TVP23A: variants seen among roughly 807,000 people sequenced by gnomAD.
TVP23A encodes Golgi apparatus membrane protein TVP23 homolog A.
Under a neutral mutation model 31.7 loss-of-function variants are expected in TVP23A, and 21 were observed. That is an observed-to-expected ratio of 0.66 (90% CI 0.47 to 0.95). The LOEUF is 0.95. Ranked by LOEUF, TVP23A falls within the 40% of genes least tolerant of loss-of-function variation. The pLI is 0.00. For synonymous variants in TVP23A, 104 were observed against 96.0 expected (o/e 1.08, Z -0.49); for missense variants, 279 against 255.6 (o/e 1.09, Z -0.62).
chr16:10,780,664 A>C (rs775367697), intron 2 of TVP23A, among the ~76,000 whole-genome samples: 1 of 152,010 alleles, frequency 6.6e-6, no homozygotes, highest in Non-Finnish European at 1.5e-5. Flanking sequence ...TGATCCCTCC[A>C]TCTCCTCTTC....
intron 2 of TVP23A, among the ~76,000 whole-genome samples, chr16:10,794,488 T>G (rs1228068917): frequency 6.6e-6 from 1 of 152,184 alleles, no homozygotes; most frequent in East Asian, 1.9e-4. Flanking sequence ...CATATCCTTT[T>G]GGGAAAACCC....
rs1366166794 is a variant in TVP23A at position 10,774,980 on chromosome 16, A to G, written c.206T>C (p.Leu69Pro). ...CACAGACCAGAAGTCCAGGGACAGG[A>G]GGAGCAGCACCATGACAAAACAGCC... ...FVGCFVMVLL[L>P]LSLDFWSVKN... Residue 69 changes from leucine (L) to proline (P), a missense_variant, in exon 3 of 8, where the codon CTC becomes CCC. By Grantham distance (98) the Leu-to-Pro change is moderately conservative. Coordinates refer to ENST00000299866, the MANE Select transcript of TVP23A (RefSeq NM_001079512.4). The G allele has an allele frequency of 5.6e-6, 9 of 1,613,108 alleles. No individual in the cohort carries two copies. The East Asian group carries it at 2.0e-4, about 36-fold the overall frequency.
At chr16:10,815,458 G>A (rs1258544690) in intron 2 of TVP23A, among the ~76,000 whole-genome samples, 1 of 152,124 alleles carries the variant, frequency 6.6e-6, no homozygotes, top group African/African-American at 2.4e-5. Flanking sequence ...AGTTGTAATA[G>A]CCACTGGTAT....
At chr16:10,810,964 T>C (rs942763913) in intron 2 of TVP23A, among the ~76,000 whole-genome samples, 4 of 152,216 alleles carry the variant, frequency 2.6e-5, no homozygotes, top group African/African-American at 9.6e-5. Context: ...TTCTCCATAC[T>C]TACAGATATC....
chr16:10,794,949 G>A (rs1382691825), intron 2 of TVP23A, among the ~76,000 whole-genome samples: 10 of 152,082 alleles, frequency 6.6e-5, no homozygotes, highest in African/African-American at 9.6e-5. Flanking sequence ...CAGGCGACCC[G>A]AGGCAGTGGC....
Position 10,768,045 on chromosome 16 carries a change from A to G in TVP23A, c.*1057T>C, listed in dbSNP as rs777750947. The G allele has an allele frequency of 1.2e-6, 2 of 1,612,372 alleles. No individual in the cohort carries two copies. Among genetic ancestry groups the G allele is most frequent in the East Asian group, 2.2e-5 (1 of 44,884 alleles). On this transcript the variant is annotated 3_prime_UTR_variant, in exon 8 of 8. Coordinates refer to ENST00000299866, the MANE Select transcript of TVP23A (RefSeq NM_001079512.4). The surrounding 1 kb of genome is among the most constrained non-coding windows in gnomAD (Gnocchi z 4.3). ...AGTATAATTCAGAGTAAGTATTTCC[A>G]TGAGTACTAAATGCAGATGCCTGTG...
At chr16:10,813,557 A>G (rs1242601754) in intron 2 of TVP23A, among the ~76,000 whole-genome samples, 1 of 152,206 alleles carries the variant, frequency 6.6e-6, no homozygotes, top group Non-Finnish European at 1.5e-5. Context: ...CAGCATGGAC[A>G]ACATAGCAAG....
chr16:10,799,206 G>A (rs1159026802), intron 2 of TVP23A, among the ~76,000 whole-genome samples: 8 of 152,208 alleles, frequency 5.3e-5, no homozygotes, highest in East Asian at 1.9e-4. Context: ...CCACCCAGCC[G>A]AGCTGCTCCA....
intron 7 of TVP23A, 118 bp downstream of exon 7, chr16:10,770,154 C>G: frequency 7.7e-7 from 1 of 1,292,092 alleles, no homozygotes; most frequent in Non-Finnish European, 1.1e-6. Context: ...TGGTCACATG[C>G]CTGGCCACCC....
intron 2 of TVP23A, among the ~76,000 whole-genome samples, chr16:10,815,478 C>T (rs948912781): frequency 1.3e-5 from 2 of 152,166 alleles, no homozygotes; most frequent in African/African-American, 4.8e-5. Context: ...TGCCTACTCC[C>T]ACCCTGCAAA....
intron 2 of TVP23A, among the ~76,000 whole-genome samples, chr16:10,802,270 GTGTGTGTGTGTGTGTATA>G (rs1164778085): frequency 2.9e-5 from 4 of 139,844 alleles, no homozygotes; most frequent in African/African-American, 9.2e-5. Context: ...GTGTGTGTGT[GTGTGTGTGTGTGTGTATA>G]TGTGTGTGTG....
At chr16:10,769,197 G>A in intron 7 of TVP23A, 96 bp from the exon 8 acceptor site, 1 of 1,164,024 alleles carries the variant, frequency 8.6e-7, no homozygotes, top group East Asian at 2.4e-5. Flanking sequence ...GGGATGGGGT[G>A]GGTCACAGCA....
Position 10,768,121 on chromosome 16 carries a change from G to C in TVP23A, c.*981C>G. Reference sequence around the variant, plus strand: ...AGGGGTGTGGAAGGACAGGTGGGTGGTGGGGTCTGTGATGACCACAGAGTG... The same window carrying C: ...AGGGGTGTGGAAGGACAGGTGGGTGCTGGGGTCTGTGATGACCACAGAGTG... On this transcript the variant is annotated 3_prime_UTR_variant, in exon 8 of 8. Transcript: ENST00000299866. This position sits in a 1 kb window ranked among gnomAD's most constrained non-coding sequence, Gnocchi z 4.3. 1 of 1,270,108 alleles carries C rather than the reference G, an allele frequency of 7.9e-7. No homozygotes were observed. The highest frequency in any genetic ancestry group is 1.2e-5 in the South Asian group (1 of 83,568). The allele number at this position is 1,270,108 out of a possible 1,614,324, so 78.7% of individuals were successfully genotyped here.
intron 2 of TVP23A, among the ~76,000 whole-genome samples, chr16:10,802,101 T>TACACAC (rs146939902): frequency 0.014 from 2,021 of 147,962 alleles, 52 homozygotes; most frequent in African/African-American, 0.047. Context: ...CAAATACACA[T>TACACAC]ACACACACAC....
At position 10,812,174 on chromosome 16, in the gene TVP23A, T is replaced by C. The variant is rs11862633; in HGVS notation, c.89+5929A>G. ...AAATGCTCAGCAGCATCATTAACCA[T>C]TAGGGATATGCCAATCTACACCACA... On this transcript the variant is annotated intron_variant, in intron 2 of 7. Transcript: ENST00000299866. 5.3e-3 allele frequency among the ~76,000 whole-genome samples: 799 copies of C among 150,722 alleles called. 8 individuals are homozygous for C. The highest frequency in any genetic ancestry group is 0.019 in the African/African-American group (767 of 40,994).
At position 10,818,682 on chromosome 16, in the gene TVP23A, C is replaced by T; in HGVS notation, c.-189G>A. ...GGGGCGGGGCGCTCGGGGCCTAAGG[C>T]GCAGTCGCAGGCTGGGGAGGGGGCT... On this transcript the variant is annotated 5_prime_UTR_variant, in exon 1 of 8. Transcript: ENST00000299866. This position sits in a 1 kb window ranked among gnomAD's most constrained non-coding sequence, Gnocchi z 4.7. 4.8e-6 allele frequency: 3 copies of T among 621,388 alleles called. No homozygotes were observed. In the South Asian group the frequency reaches 8.0e-5, roughly 17 times the overall value. The allele number at this position is 621,388 out of a possible 1,614,324, so 38.5% of individuals were successfully genotyped here.
chr16:10,767,204 G>A lies in TVP23A; in HGVS notation c.*1898C>T. On this transcript the variant is annotated 3_prime_UTR_variant, in exon 8 of 8. Coordinates refer to ENST00000299866, the MANE Select transcript of TVP23A (RefSeq NM_001079512.4). The surrounding 1 kb of genome is among the most constrained non-coding windows in gnomAD (Gnocchi z 4.6). ...ATGGCAGGTCCACCCACGACTGGGG[G>A]CTGGCAGGGCAGACTGGAGGCGAGA... The A allele has an allele frequency of 2.5e-6, 1 of 399,890 alleles. No homozygotes were observed. The highest frequency in any genetic ancestry group is 3.6e-5 in the East Asian group (1 of 28,114). The allele number at this position is 399,890 out of a possible 1,614,324, so 24.8% of individuals were successfully genotyped here.
At chr16:10,759,419 G>A (rs567168212), downstream of TVP23A, among the ~76,000 whole-genome samples, 12 of 152,362 alleles carry the variant, frequency 7.9e-5, no homozygotes, top group South Asian at 2.1e-4. This position sits in a 1 kb window ranked among gnomAD's most constrained non-coding sequence, Gnocchi z 4.7. Context: ...GGCCTGGCCC[G>A]GGTGATGGCA....
chr16:10,765,044 G>A (rs529294374), downstream of TVP23A: 58 of 156,658 alleles, frequency 3.7e-4, no homozygotes, highest in South Asian at 5.3e-3. This position sits in a 1 kb window ranked among gnomAD's most constrained non-coding sequence, Gnocchi z 4.0. Flanking sequence ...TGCCATGCTC[G>A]TCTCAGTCAC....
Sources: allele counts gnomAD v4.1 joint callset (sites outside exome capture counted in the v4.1 genomes callset), GRCh38; gene constraint gnomAD v4.1.1; non-coding constraint Gnocchi (gnomAD v3.1); transcripts MANE v1.5; gene names NCBI Gene and HGNC (gene_info 2026-07-23, HGNC 2026-07-21).